Variants in SLTM observed in about 807,000 individuals in gnomAD.
The protein encoded by SLTM is SAFB like transcription modulator.
Under a neutral mutation model 134.6 loss-of-function variants are expected in SLTM, and 43 were observed. The observed-to-expected ratio is 0.32, with a 90% CI of 0.25 to 0.41. The LOEUF (loss-of-function observed/expected upper bound fraction) is 0.41. Among genes scored for constraint, SLTM ranks in the 10% least tolerant of loss-of-function variants. The pLI is 1.00. For synonymous variants in SLTM, 424 were observed against 432.3 expected (o/e 0.98, Z 0.24); for missense variants, 1,055 against 1,288.8 (o/e 0.82, Z 2.78).
At chr15:58,917,042 C>CT (rs1326396813) in intron 2 of SLTM, 43 bp from the exon 3 acceptor site, 4 of 1,573,296 alleles carry the variant, frequency 2.5e-6, no homozygotes, top group Non-Finnish European at 3.5e-6. Context: ...TATTTTATTA[C>CT]TTTAAGAACA....
At chr15:58,896,517 C>T (rs773974145) in intron 9 of SLTM, among the ~76,000 whole-genome samples, 2 of 151,904 alleles carry the variant, frequency 1.3e-5, no homozygotes, top group Non-Finnish European at 2.9e-5. Context: ...GCCCACATCA[C>T]GCTGCTACAC....
intron 3 of SLTM, among the ~76,000 whole-genome samples, chr15:58,914,752 T>C (rs1311015752): frequency 3.3e-5 from 5 of 152,340 alleles, no homozygotes; most frequent in East Asian, 1.9e-4. Flanking sequence ...ATTTAGGCAA[T>C]AGGTGATATT....
intron 2 of SLTM, among the ~76,000 whole-genome samples, chr15:58,926,009 C>CTTTAG (rs1204293334): frequency 6.6e-6 from 1 of 152,150 alleles, no homozygotes; most frequent in East Asian, 1.9e-4. Context: ...AAATTTCAAG[C>CTTTAG]TTTAGTTTAG....
At chr15:58,888,181 G>C (rs62004796) in intron 17 of SLTM, among the ~76,000 whole-genome samples, 10,179 of 152,128 alleles carry the variant, frequency 0.067, 448 homozygotes, top group Non-Finnish European at 0.1. Flanking sequence ...ATAAAGATAA[G>C]AAGATAAAGC....
intron 5 of SLTM, among the ~76,000 whole-genome samples, chr15:58,907,558 C>T (rs1415471804): frequency 1.3e-5 from 2 of 152,138 alleles, no homozygotes; most frequent in African/African-American, 4.8e-5. Flanking sequence ...GAGGTCAAGG[C>T]TGCAGTCAGG....
rs368841179 is a variant in SLTM at position 58,893,270 on chromosome 15, G to C, written c.1734+9C>G. 4.1e-5 allele frequency: 65 copies of C among 1,599,334 alleles called. No homozygotes were observed. Among genetic ancestry groups the C allele is most frequent in the South Asian group, 1.1e-5 (1 of 89,880 alleles). On this transcript the variant is annotated intron_variant, in intron 13 of 20. Transcript: ENST00000380516. ...AAGTAGTATACAACCATCCTGATCA[G>C]AGACTTACTTTCTCATATCTTCCTC...
At chr15:58,921,501 A>G (rs745887576) in intron 2 of SLTM, 5 of 348,500 alleles carry the variant, frequency 1.4e-5, no homozygotes, top group Non-Finnish European at 2.4e-5. Context: ...GTATGTAAAA[A>G]TGGTCTAACT....
chr15:58,897,256 T>C, intron 8 of SLTM, 23 bp from the exon 9 acceptor site: 1 of 1,298,208 alleles, frequency 7.7e-7, no homozygotes, highest in South Asian at 1.2e-5. Flanking sequence ...TAATATCAGA[T>C]GTTTAAGTAT....
At chr15:58,891,660 A>T (rs1277928717) in intron 14 of SLTM, among the ~76,000 whole-genome samples, 1 of 152,218 alleles carries the variant, frequency 6.6e-6, no homozygotes, top group Non-Finnish European at 1.5e-5. Flanking sequence ...GAGTCTAAAT[A>T]GGGATGCAAA....
chr15:58,882,594 T>C (rs2033829400), intron 20 of SLTM, among the ~76,000 whole-genome samples: 1 of 152,212 alleles, frequency 6.6e-6, no homozygotes, highest in Non-Finnish European at 1.5e-5. Context: ...AAAGAATCTA[T>C]ATTTATCAAG....
At chr15:58,928,237 T>C (rs1264100996) in intron 2 of SLTM, among the ~76,000 whole-genome samples, 4 of 152,194 alleles carry the variant, frequency 2.6e-5, no homozygotes, top group Non-Finnish European at 5.9e-5. Context: ...AAGAAAAGGA[T>C]ATGCCAGCAT....
At chr15:58,888,026 T>C (rs1464355221) in intron 17 of SLTM, among the ~76,000 whole-genome samples, 1 of 152,114 alleles carries the variant, frequency 6.6e-6, no homozygotes, top group Non-Finnish European at 1.5e-5. Context: ...TGGTGGTGCA[T>C]GTCTATAATC....
At chr15:58,903,692 A>G (rs2035654251) in intron 5 of SLTM, among the ~76,000 whole-genome samples, 1 of 150,424 alleles carries the variant, frequency 6.6e-6, no homozygotes, top group South Asian at 2.2e-4. Flanking sequence ...TATAATAATA[A>G]TAATAATAAA....
intron 11 of SLTM, 39 bp downstream of exon 11, chr15:58,894,051 T>C: frequency 6.3e-7 from 1 of 1,596,390 alleles, no homozygotes; most frequent in African/African-American, 1.4e-5. Context: ...AAAAAGTCTA[T>C]CTGCTTATCA....
chr15:58,883,046 G>T (rs574877094), intron 20 of SLTM, among the ~76,000 whole-genome samples: 1 of 152,344 alleles, frequency 6.6e-6, no homozygotes, highest in South Asian at 2.1e-4. Flanking sequence ...TGAGTGCAGT[G>T]GCTCCCGCCT....
intron 5 of SLTM, among the ~76,000 whole-genome samples, chr15:58,902,815 C>G (rs1315671217): frequency 2.0e-5 from 3 of 152,060 alleles, no homozygotes; most frequent in Admixed American, 2.0e-4. Flanking sequence ...CCTCCGCCTC[C>G]TGTGTTCAAG....
intron 5 of SLTM, among the ~76,000 whole-genome samples, chr15:58,902,859 G>T (rs761386953): frequency 6.3e-4 from 96 of 151,798 alleles, no homozygotes; most frequent in Non-Finnish European, 8.2e-4. Context: ...AAGGAGCTAG[G>T]ATTACAGGCA....
intron 2 of SLTM, among the ~76,000 whole-genome samples, chr15:58,918,192 CA>C (rs1387584523): frequency 1.3e-5 from 2 of 151,252 alleles, no homozygotes; most frequent in Non-Finnish European, 2.9e-5. Flanking sequence ...CTAGAAATGC[CA>C]TAAAAAAAAG....
chr15:58,918,942 T>C (rs528380503), intron 2 of SLTM, among the ~76,000 whole-genome samples: 3 of 150,196 alleles, frequency 2.0e-5, no homozygotes, highest in Admixed American at 6.7e-5. Flanking sequence ...GAGACAAGAG[T>C]CTTGCTCTGT....
Sources: allele counts gnomAD v4.1 joint callset (sites outside exome capture counted in the v4.1 genomes callset), GRCh38; gene constraint gnomAD v4.1.1; transcripts MANE v1.5; gene names NCBI Gene and HGNC (gene_info 2026-07-23, HGNC 2026-07-21).